RBBP8NL: variants seen among roughly 807,000 people sequenced by gnomAD.
RBBP8NL encodes RBBP8 N-terminal-like protein.
RBBP8NL carries 59 observed loss-of-function variants against 62.2 expected under a neutral mutation model. The ratio of observed to expected loss-of-function variants is 0.95; its 90% CI spans 0.77 to 1.18. The LOEUF is 1.18. Among genes scored for constraint, RBBP8NL ranks in the 50% most tolerant of loss-of-function variants. The probability of loss-of-function intolerance (pLI) is 0.00; values close to 1 mark genes in which losing one functional copy is unlikely to be tolerated. For synonymous variants in RBBP8NL, 412 were observed against 394.1 expected, an observed-to-expected ratio of 1.05 and a Z score of -0.54; for missense variants, 896 against 899.5, an observed-to-expected ratio of 1.00 and a Z score of 0.05.
chr20:62,417,092 G>A, intron 4 of RBBP8NL, 132 bp downstream of exon 4: 1 of 737,894 alleles, frequency 1.4e-6, no homozygotes, highest in Non-Finnish European at 2.2e-6. Context: ...GAGATGTCCT[G>A]CAGTGGGGAA....
Position 62,413,925 on chromosome 20 carries a change from C to A in RBBP8NL, c.1426G>T (p.Glu476Ter). ...SPAAAHTASP[E>*]PPTQSGPLTR... ...AGGGGTCCGGACTGGGTGGGTGGCTCGGGGCTGGCAGTGTGGGCAGCGGCA... is the reference window on the plus strand; with the variant it reads ...AGGGGTCCGGACTGGGTGGGTGGCTAGGGGCTGGCAGTGTGGGCAGCGGCA... Residue 476 changes from glutamate to a stop codon, truncating the protein, a stop_gained, in exon 10 of 14, where the codon GAG becomes TAG. Transcript: ENST00000252998. LOFTEE classifies it high-confidence loss of function. 1 of 1,591,134 alleles carries A rather than the reference C, an allele frequency of 6.3e-7. No individual in the cohort carries two copies.
intron 8 of RBBP8NL, 86 bp from the exon 9 acceptor site, chr20:62,415,373 G>A (rs1308697682): frequency 1.4e-6 from 2 of 1,467,034 alleles, no homozygotes; most frequent in Admixed American, 2.1e-5. Context: ...CCTGCCCTGG[G>A]CTGCTCCCAC....
Position 62,412,704 on chromosome 20 carries a change from C to G in RBBP8NL, c.1796G>C (p.Gly599Ala). The G allele has an allele frequency of 1.2e-6, 2 of 1,610,206 alleles. No homozygotes were observed. Among genetic ancestry groups the G allele is most frequent in the Non-Finnish European group, 1.7e-6 (2 of 1,179,932 alleles). ...AEATTSTTGE[G>A]PECICTQEHG... ...CTCCTGGGTGCAGATGCACTCAGGC[C>G]CCTCCCCGGTCGTGCTCGTAGTGGC... Residue 599 changes from glycine to alanine, a missense_variant, in exon 13 of 14, where the codon GGG becomes GCG. Physicochemically the swap from Gly to Ala is moderately conservative, Grantham distance 60. Transcript: ENST00000252998.
intron 5 of RBBP8NL, 46 bp from the exon 6 acceptor site, chr20:62,416,282 C>CTG: frequency 4.7e-6 from 1 of 214,800 alleles, no homozygotes; most frequent in Non-Finnish European, 9.2e-6. Context: ...TTGGGGGGGA[C>CTG]AGGGGCAGGG....
intron 3 of RBBP8NL, among the ~76,000 whole-genome samples, chr20:62,417,741 C>T (rs367548826): frequency 1.0e-5 from 1 of 98,990 alleles, no homozygotes; most frequent in Non-Finnish European, 2.0e-5. Flanking sequence ...CTGCACGCTC[C>T]TCTGTGACGT....
chr20:62,418,171 C>T (rs1569025944), intron 3 of RBBP8NL, among the ~76,000 whole-genome samples: 1 of 152,218 alleles, frequency 6.6e-6, no homozygotes, highest in Non-Finnish European at 1.5e-5. Context: ...TGATCATGAT[C>T]CTGGGGTGGG....
intron 1 of RBBP8NL, among the ~76,000 whole-genome samples, chr20:62,426,310 C>G (rs1249616327): frequency 6.6e-6 from 1 of 152,268 alleles, no homozygotes; most frequent in Non-Finnish European, 1.5e-5. Context: ...CATCCTGCAG[C>G]TTTGCTGAGG....
chr20:62,415,391 C>T (rs1021942185), intron 8 of RBBP8NL, 104 bp from the exon 9 acceptor site: 23 of 1,415,414 alleles, frequency 1.6e-5, no homozygotes, highest in Non-Finnish European at 2.1e-5. Flanking sequence ...CACTCTGCCC[C>T]TGCTCACTGC....
Position 62,415,129 on chromosome 20 carries a change from G to A in RBBP8NL, c.786C>T (p.Ser262=). The change falls in exon 9 of 14, where the codon TCC becomes TCT. Residue 262 remains serine (S), a synonymous_variant. Coordinates refer to ENST00000252998, the MANE Select transcript of RBBP8NL (RefSeq NM_080833.3). ...GTGGGGCAGGCGGGCACCTGTCCAG[G>A]GAGAGGCCACGCTCATACGCTGGGC... ...PPSPAYERGL[S]LDSFLRASRP... 1 of 1,480,184 alleles carries A rather than the reference G, an allele frequency of 6.8e-7. No homozygotes were observed. The highest frequency in any genetic ancestry group is 1.4e-5 in the South Asian group (1 of 72,586). 91.7% of individuals were successfully genotyped at this position (1,480,184 alleles called of 1,614,324 possible). A position where few individuals can be genotyped will look rare whatever the true frequency, so the allele number is the denominator to read the frequency against.
rs775857332 is a variant in RBBP8NL at position 62,412,889 on chromosome 20, C to A, written c.1687G>T (p.Ala563Ser). 5.0e-6 allele frequency: 8 copies of A among 1,613,176 alleles called. No individual in the cohort carries two copies. Among genetic ancestry groups the A allele is most frequent in the Middle Eastern group, 1.6e-4 (1 of 6,082 alleles). Residue 563 changes from alanine (A) to serine (S), a missense_variant, in exon 12 of 14, where the codon GCT becomes TCT. Coordinates refer to ENST00000252998, the MANE Select transcript of RBBP8NL (RefSeq NM_080833.3). ...DLDGHPEPSKAEVLRPESDEL... is the reference protein window; with the variant it reads ...DLDGHPEPSKSEVLRPESDEL... ...TCGGACTCTGGTCTCAGCACTTCAG[C>A]CTTGCTGGGCTCTGAAGGATGCAGA...
chr20:62,418,934 C>G (rs1988640348), intron 2 of RBBP8NL, among the ~76,000 whole-genome samples: 1 of 152,182 alleles, frequency 6.6e-6, no homozygotes, highest in African/African-American at 2.4e-5. Context: ...TAGGAGGCAG[C>G]CGGGTCCTTG....
Position 62,414,407 on chromosome 20 carries a change from C to A in RBBP8NL, c.944G>T (p.Ser315Ile). Residue 315 changes from serine (S) to isoleucine (I), a missense_variant, in exon 10 of 14, where the codon AGC (serine) becomes ATC (isoleucine). Ser to Ile is a moderately radical substitution (Grantham distance 142). Coordinates refer to ENST00000252998, the MANE Select transcript of RBBP8NL (RefSeq NM_080833.3). ...SSPLAPAAAP[S>I]DPRLQDLKAR... ...CTTCAGGTCCTGGAGCCGGGGGTCG[C>A]TGGGGGCTGCAGCAGGGGCCAGGGG... The A allele has an allele frequency of 6.5e-7, 1 of 1,535,120 alleles. No homozygotes were observed. The highest frequency in any genetic ancestry group is 2.0e-5 in the Admixed American group (1 of 50,838).
chr20:62,416,315 G>A, intron 5 of RBBP8NL, 79 bp from the exon 6 acceptor site: 1 of 1,302,822 alleles, frequency 7.7e-7, no homozygotes, highest in Non-Finnish European at 1.1e-6. Flanking sequence ...CAGCACCAGG[G>A]AAGCCCCTCA....
At chr20:62,421,373 C>T (rs568964260) in intron 1 of RBBP8NL, among the ~76,000 whole-genome samples, 1 of 137,092 alleles carries the variant, frequency 7.3e-6, no homozygotes, top group South Asian at 2.4e-4. Context: ...TGTGTGTGTG[C>T]CATGTGTGTG....
rs375974350 is a variant in RBBP8NL, at chr20:62,421,564, CAT to C, written c.-83-1836_-83-1835del. Among the ~76,000 whole-genome samples, 115 of 142,994 alleles carry C rather than the reference CAT, an allele frequency of 8.0e-4. 1 individual carries two copies. The South Asian group carries it at 0.018, about 22-fold the overall frequency. 93.8% of individuals were successfully genotyped at this position (142,994 alleles called of 152,430 possible). On this transcript the variant is annotated intron_variant, in intron 1 of 13. Transcript: ENST00000252998. The stretch of plus-strand genomic sequence containing the variant: ...CAAGTCAGTGTGCATGTGTGTATGC[CAT>C]GTGTGTGCACGCCTGAGCCAGTGTG...
Position 62,414,574 on chromosome 20 carries a change from C to G in RBBP8NL, c.795-18G>C. 4 of 1,420,610 alleles carry G rather than the reference C, an allele frequency of 2.8e-6. No homozygotes were observed. The highest frequency in any genetic ancestry group is 3.7e-6 in the Non-Finnish European group (4 of 1,082,410). The allele number at this position is 1,420,610 out of a possible 1,614,324, so 88.0% of individuals were successfully genotyped here. A position where few individuals can be genotyped will look rare whatever the true frequency, so the allele number is the denominator to read the frequency against. On this transcript the variant is annotated intron_variant, in intron 9 of 13. Transcript: ENST00000252998. ...GCAGGAAGCTGTGAGGGAGGAGAAG[C>G]CGAATGACCATGGCTGTGTGGAGCC... is the stretch of plus-strand genomic sequence containing the variant.
rs1988577469 is a variant in RBBP8NL, at chr20:62,416,789, A to AG, written c.283dup (p.Leu95ProfsTer76). ...GATGAAGATGCGCTGCAGGTTCTGC[A>AG]GGTGGGAGCTCTCGAACTCCTGCTG... On this transcript the variant is annotated frameshift_variant, in exon 5 of 14. Transcript: ENST00000252998. LOFTEE classifies it high-confidence loss of function. 3 of 1,590,182 alleles carry AG rather than the reference A, an allele frequency of 1.9e-6. No homozygotes were observed. The highest frequency in any genetic ancestry group is 2.7e-5 in the African/African-American group (2 of 74,460).
intron 5 of RBBP8NL, 95 bp downstream of exon 5, chr20:62,416,665 G>T: frequency 1.2e-6 from 1 of 811,338 alleles, no homozygotes; most frequent in East Asian, 2.7e-5. Context: ...CGATCGTCCT[G>T]CCTCCTTTCC....
intron 1 of RBBP8NL, among the ~76,000 whole-genome samples, chr20:62,423,588 C>G (rs868549862): frequency 2.0e-5 from 3 of 152,328 alleles, no homozygotes; most frequent in East Asian, 1.9e-4. Flanking sequence ...AAAGGAGCCG[C>G]CCAAGGGAGC....
Sources: allele counts gnomAD v4.1 joint callset (sites outside exome capture counted in the v4.1 genomes callset), GRCh38; gene constraint gnomAD v4.1.1; transcripts MANE v1.5; gene names NCBI Gene and HGNC (gene_info 2026-07-23, HGNC 2026-07-21).